Variants in HSD17B11 observed in about 807,000 individuals in gnomAD.
HSD17B11 encodes hydroxysteroid 17-beta dehydrogenase 11.
A neutral mutation model predicts 27.8 loss-of-function variants in HSD17B11; 22 were observed. That is an observed-to-expected ratio of 0.79 (90% CI 0.56 to 1.13). The LOEUF is 1.13. HSD17B11 is among the 50% of genes most tolerant of loss of function. The pLI is 0.00. For missense variants in HSD17B11, 314 were observed against 351.1 expected (o/e 0.89, Z 0.84); for synonymous variants, 117 against 132.8 (o/e 0.88, Z 0.82).
At chr4:87,354,560 G>T (rs561786587) in intron 5 of HSD17B11, among the ~76,000 whole-genome samples, 1 of 151,198 alleles carries the variant, frequency 6.6e-6, no homozygotes, top group South Asian at 2.1e-4. Flanking sequence ...GGGAGAATAG[G>T]TTGAGCCCAG....
At chr4:87,341,328 C>G (rs557303968) in intron 5 of HSD17B11, among the ~76,000 whole-genome samples, 2 of 152,194 alleles carry the variant, frequency 1.3e-5, no homozygotes, top group South Asian at 4.1e-4. Flanking sequence ...TACGCCACCA[C>G]TCCAGGCTAT....
intron 4 of HSD17B11, among the ~76,000 whole-genome samples, chr4:87,366,232 A>C (rs1735611963): frequency 6.6e-6 from 1 of 152,200 alleles, no homozygotes; most frequent in South Asian, 2.1e-4. Context: ...AAGGGGTATT[A>C]TTCAGTTTTT....
intron 1 of HSD17B11, among the ~76,000 whole-genome samples, chr4:87,383,103 C>G (rs867083780): frequency 3.5e-4 from 53 of 152,220 alleles, no homozygotes; most frequent in African/African-American, 1.2e-3. Context: ...TTGCTTTCCC[C>G]AGGGTGAAAG....
At position 87,376,584 on chromosome 4, in the gene HSD17B11, CAT is replaced by C. The variant is rs970102227; in HGVS notation, c.319-1756_319-1755del. 4.1e-5 allele frequency among the ~76,000 whole-genome samples: 6 copies of C among 146,218 alleles called. No individual in the cohort carries two copies. In the South Asian group the frequency reaches 6.5e-4, roughly 16 times the overall value. On this transcript the variant is annotated intron_variant, in intron 2 of 6. Coordinates refer to ENST00000358290, the MANE Select transcript of HSD17B11 (RefSeq NM_016245.5). ...ATATGAGGTAAATAATATTAAAATACATATGTGTGTTTTTCTAATATATATGC... is the reference window on the plus strand; with the variant it reads ...ATATGAGGTAAATAATATTAAAATACATGTGTGTTTTTCTAATATATATGC...
chr4:87,336,928 G>T lies in HSD17B11; in HGVS notation c.*348C>A, dbSNP rs573097401. The stretch of plus-strand genomic sequence containing the variant: ...AACACAAATTATACAAAATTTAAGT[G>T]CAATCAAAAATAAAAATATATGTTA... On this transcript the variant is annotated 3_prime_UTR_variant, in exon 7 of 7. Transcript: ENST00000358290. 3.7e-5 allele frequency: 7 copies of T among 190,368 alleles called. No homozygotes were observed. Among genetic ancestry groups the T allele is most frequent in the Non-Finnish European group, 1.1e-5 (1 of 94,114 alleles). 11.8% of individuals were successfully genotyped at this position (190,368 alleles called of 1,614,324 possible).
chr4:87,370,755 A>ATTATTTTT (rs70957229), intron 4 of HSD17B11, among the ~76,000 whole-genome samples: 3 of 57,518 alleles, frequency 5.2e-5, no homozygotes, highest in Non-Finnish European at 1.0e-4. Flanking sequence ...TATTATTATT[A>ATTATTTTT]TTTTTTTTTT....
intron 5 of HSD17B11, among the ~76,000 whole-genome samples, chr4:87,354,338 G>C (rs1560760128): frequency 1.3e-5 from 2 of 152,058 alleles, no homozygotes; most frequent in Non-Finnish European, 2.9e-5. Flanking sequence ...AGAACTGTTA[G>C]GCCAGGCATG....
chr4:87,343,683 G>T (rs192347717), intron 5 of HSD17B11, among the ~76,000 whole-genome samples: 365 of 152,094 alleles, frequency 2.4e-3, no homozygotes, highest in African/African-American at 8.4e-3. Flanking sequence ...AAGTAGCTGG[G>T]ATTACAGGCA....
At chr4:87,353,106 G>T (rs1321727328) in intron 5 of HSD17B11, among the ~76,000 whole-genome samples, 1 of 138,068 alleles carries the variant, frequency 7.2e-6, no homozygotes, top group African/African-American at 3.1e-5. Flanking sequence ...GGGAGCTGTA[G>T]ACCGGAGCTG....
chr4:87,387,138 G>A (rs2110135273), intron 1 of HSD17B11: 1 of 152,404 alleles, frequency 6.6e-6, no homozygotes, highest in South Asian at 2.1e-4. Flanking sequence ...AGCCTCCTGA[G>A]TAGCTGGGGC....
intron 5 of HSD17B11, among the ~76,000 whole-genome samples, chr4:87,345,905 C>CA (rs546910726): frequency 2.0e-4 from 30 of 152,046 alleles, no homozygotes; most frequent in Non-Finnish European, 4.1e-4. Context: ...CAAATTCTCC[C>CA]AAAAAAATAG....
chr4:87,374,959 T>C (rs1735790592), intron 2 of HSD17B11, 129 bp from the exon 3 acceptor site: 3 of 595,554 alleles, frequency 5.0e-6, no homozygotes, highest in African/African-American at 3.9e-5. Flanking sequence ...AGTGGCGAAA[T>C]CTTGGCTCAC....
chr4:87,370,284 A>G (rs2110123713), intron 4 of HSD17B11, among the ~76,000 whole-genome samples: 1 of 152,338 alleles, frequency 6.6e-6, no homozygotes, highest in South Asian at 2.1e-4. Context: ...AATAACAGGA[A>G]GTGGAATTGA....
chr4:87,368,344 A>T (rs1735647214), intron 4 of HSD17B11, among the ~76,000 whole-genome samples: 1 of 151,912 alleles, frequency 6.6e-6, no homozygotes, highest in Admixed American at 6.6e-5. Flanking sequence ...ACACACAAAA[A>T]ACTCAAGAGT....
chr4:87,337,300 A>T lies in HSD17B11; in HGVS notation c.879T>A (p.Ile293=). 1 of 1,605,944 alleles carries T rather than the reference A, an allele frequency of 6.2e-7. No homozygotes were observed. The highest frequency in any genetic ancestry group is 8.5e-7 in the Non-Finnish European group (1 of 1,173,508). ...RKISVKFDAV[I]GYKMKAQ ...CTTATTGCGCTTTCATTTTATATCC[A>T]ATAACTGCATCAAACTTAACACTGA... Residue 293 remains isoleucine (I), a synonymous_variant, in exon 7 of 7, where the codon ATT becomes ATA. Coordinates refer to ENST00000358290, the MANE Select transcript of HSD17B11 (RefSeq NM_016245.5).
chr4:87,367,906 C>A (rs1428881283), intron 4 of HSD17B11, among the ~76,000 whole-genome samples: 1 of 152,224 alleles, frequency 6.6e-6, no homozygotes, highest in Non-Finnish European at 1.5e-5. Context: ...ACTTACTTTG[C>A]TTTACTCTTA....
intron 2 of HSD17B11, among the ~76,000 whole-genome samples, chr4:87,377,713 G>A (rs1267270644): frequency 6.6e-6 from 1 of 151,988 alleles, no homozygotes; most frequent in Admixed American, 6.6e-5. Context: ...AGACCCTAGC[G>A]TCCTAATGCA....
intron 5 of HSD17B11, among the ~76,000 whole-genome samples, chr4:87,343,694 T>C (rs988287153): frequency 2.6e-5 from 4 of 151,992 alleles, no homozygotes; most frequent in African/African-American, 9.7e-5. Flanking sequence ...ATTACAGGCA[T>C]GTGCCACCAC....
chr4:87,363,746 C>G (rs1015541670), intron 4 of HSD17B11, among the ~76,000 whole-genome samples: 3 of 152,128 alleles, frequency 2.0e-5, no homozygotes, highest in Admixed American at 2.0e-4. Context: ...TAGACACTGC[C>G]CAGACCTGTA....
Sources: allele counts gnomAD v4.1 joint callset (sites outside exome capture counted in the v4.1 genomes callset), GRCh38; gene constraint gnomAD v4.1.1; transcripts MANE v1.5; gene names NCBI Gene and HGNC (gene_info 2026-07-23, HGNC 2026-07-21).